TMED7: variants seen among roughly 807,000 people sequenced by gnomAD.
TMED7 encodes the protein transmembrane emp24 domain-containing protein 7.
In TMED7, 8 loss-of-function variants were observed where a neutral mutation model predicts 23.4. The observed-to-expected ratio is 0.34, with a 90% confidence interval of 0.20 to 0.62. The LOEUF (loss-of-function observed/expected upper bound fraction) is 0.62. TMED7 is among the 20% of genes least tolerant of loss of function. The probability of loss-of-function intolerance (pLI) is 0.77; values close to 1 mark genes in which losing one functional copy is unlikely to be tolerated. For missense variants in TMED7, 232 were observed against 279.1 expected (o/e 0.83, Z 1.20); for synonymous variants, 121 against 108.5 (o/e 1.12, Z -0.72).
At chr5:115,619,603 T>C (rs1029372793) in intron 2 of TMED7, among the ~76,000 whole-genome samples, 1 of 152,154 alleles carries the variant, frequency 6.6e-6, no homozygotes, top group African/African-American at 2.4e-5. Flanking sequence ...TGAGATATCT[T>C]TGTGATGGAA....
At position 115,625,593 on chromosome 5, in the gene TMED7, C is replaced by G. The variant is rs534752963; in HGVS notation, c.192+8G>C. The G allele has an allele frequency of 1.1e-5, 17 of 1,574,182 alleles. No individual in the cohort carries two copies. The South Asian group carries it at 1.9e-4, about 17-fold the overall frequency. Reference sequence around the variant, plus strand: ...GTTGGGGCCCAGGGACTGCTAGGCCCCTGATACCTGGAACTCCAGGGTGCA... The same window carrying G: ...GTTGGGGCCCAGGGACTGCTAGGCCGCTGATACCTGGAACTCCAGGGTGCA... On this transcript the variant is annotated splice_region_variant and intron_variant, in intron 1 of 2. Coordinates refer to ENST00000456936, the MANE Select transcript of TMED7 (RefSeq NM_181836.6).
At chr5:115,625,491 G>T in intron 1 of TMED7, 110 bp downstream of exon 1, 2 of 1,282,188 alleles carry the variant, frequency 1.6e-6, no homozygotes, top group Non-Finnish European at 2.0e-6. Context: ...AGCGATTTTT[G>T]AATTAGCCTA....
intron 1 of TMED7, among the ~76,000 whole-genome samples, chr5:115,623,424 G>C (rs577149990): frequency 6.6e-6 from 1 of 152,292 alleles, no homozygotes; most frequent in East Asian, 1.9e-4. Flanking sequence ...CAATCTCATT[G>C]TTACCAATAA....
At position 115,624,572 on chromosome 5, in the gene TMED7, C is replaced by T. The variant is rs573253086; in HGVS notation, c.192+1029G>A. ...CTTATAACCCTCTGATGGCTTCCTA[C>T]ACTTTCAGGAAAAACAAATCCTTAA... On this transcript the variant is annotated intron_variant, in intron 1 of 2. Coordinates refer to ENST00000456936, the MANE Select transcript of TMED7 (RefSeq NM_181836.6). Among the ~76,000 whole-genome samples the T allele has an allele frequency of 3.0e-4, 46 of 152,304 alleles. 1 individual carries two copies. The highest frequency in any genetic ancestry group is 1.1e-3 in the African/African-American group (46 of 41,558).
intron 1 of TMED7, among the ~76,000 whole-genome samples, chr5:115,624,320 A>C (rs1384691295): frequency 6.6e-6 from 1 of 152,070 alleles, no homozygotes; most frequent in Non-Finnish European, 1.5e-5. Flanking sequence ...ATCATTACCA[A>C]GTCCTGTTGA....
intron 1 of TMED7, among the ~76,000 whole-genome samples, chr5:115,623,803 G>A (rs1290990563): frequency 6.6e-6 from 1 of 152,134 alleles, no homozygotes; most frequent in Non-Finnish European, 1.5e-5. Context: ...TATACCTAGT[G>A]TGTACCTTTA....
intron 1 of TMED7, among the ~76,000 whole-genome samples, chr5:115,623,055 G>A (rs1372326334): frequency 6.6e-6 from 1 of 152,148 alleles, no homozygotes; most frequent in Non-Finnish European, 1.5e-5. Flanking sequence ...TCAGTCTCTG[G>A]GAGGTAGTAT....
intron 2 of TMED7, 45 bp from the exon 3 acceptor site, chr5:115,616,490 G>T: frequency 6.2e-7 from 1 of 1,611,568 alleles, no homozygotes; most frequent in South Asian, 1.1e-5. Flanking sequence ...ACTTTCTGTA[G>T]ACTTCATCTA....
At position 115,620,584 on chromosome 5, in the gene TMED7, T is replaced by C. The variant is rs1293981933; in HGVS notation, c.289A>G (p.Thr97Ala). ...GTCCCATTTTTGGAGGCTGTGAAGG[T>C]AAAACTATCATACTGTTTCTTCATC... is the stretch of plus-strand genomic sequence containing the variant. ...KEMKKQYDSF[T>A]FTASKNGTYK... Residue 97 changes from threonine to alanine, a missense_variant, in exon 2 of 3, where the codon ACC (threonine) becomes GCC (alanine). Physicochemically the swap from Thr to Ala is moderately conservative, Grantham distance 58. Transcript: ENST00000456936. The C allele has an allele frequency of 2.5e-6, 4 of 1,606,456 alleles. No homozygotes were observed. Among genetic ancestry groups the C allele is most frequent in the Non-Finnish European group, 3.4e-6 (4 of 1,177,264 alleles).
intron 2 of TMED7, among the ~76,000 whole-genome samples, chr5:115,617,124 G>A (rs1401932494): frequency 6.6e-6 from 1 of 152,170 alleles, no homozygotes; most frequent in Admixed American, 6.5e-5. Context: ...TGAGCCTTTA[G>A]CTGATAACAG....
chr5:115,619,708 T>A (rs531858264), intron 2 of TMED7, among the ~76,000 whole-genome samples: 1 of 152,260 alleles, frequency 6.6e-6, no homozygotes, highest in East Asian at 1.9e-4. Flanking sequence ...TGATGTGTCA[T>A]GAGATCAGAT....
intron 2 of TMED7, chr5:115,620,006 T>C (rs977571478): frequency 2.0e-5 from 3 of 152,760 alleles, no homozygotes; most frequent in African/African-American, 7.2e-5. Flanking sequence ...CACTAAGTAA[T>C]GGTATAAAGG....
intron 2 of TMED7, 180 bp from the exon 3 acceptor site, chr5:115,616,625 C>T: frequency 4.6e-6 from 4 of 860,624 alleles, no homozygotes; most frequent in Admixed American, 5.5e-5. Flanking sequence ...CTCATTTTCA[C>T]TGGGACAACT....
At chr5:115,616,672 C>T in intron 2 of TMED7, 1 of 605,540 alleles carries the variant, frequency 1.7e-6, no homozygotes, top group Non-Finnish European at 2.8e-6. Context: ...GCTGTTTTCC[C>T]CAACTGAGAT....
chr5:115,625,292 TAC>T (rs879445703), intron 1 of TMED7, among the ~76,000 whole-genome samples: 8 of 152,248 alleles, frequency 5.3e-5, no homozygotes, highest in Non-Finnish European at 1.0e-4. Context: ...CACTGGGTAC[TAC>T]AGAGTATAAA....
At position 115,618,451 on chromosome 5, in the gene TMED7, T is replaced by C. The variant is rs149211711; in HGVS notation, c.438+1984A>G. ...AATCCAAGTAAGGTTAACACAATCA[T>C]TTGGCTGATGTAAGTGTTCATTAAT... is the stretch of plus-strand genomic sequence containing the variant. On this transcript the variant is annotated intron_variant, in intron 2 of 2. Transcript: ENST00000456936. Among the ~76,000 whole-genome samples the C allele has an allele frequency of 2.7e-4, 41 of 152,326 alleles. 1 individual carries two copies. The highest frequency in any genetic ancestry group is 9.1e-4 in the African/African-American group (38 of 41,574).
At chr5:115,624,047 A>C (rs1378007041) in intron 1 of TMED7, among the ~76,000 whole-genome samples, 3 of 152,210 alleles carry the variant, frequency 2.0e-5, no homozygotes, top group Non-Finnish European at 4.4e-5. Flanking sequence ...TCCTGAGAAC[A>C]TACCTGAAAT....
intron 1 of TMED7, among the ~76,000 whole-genome samples, chr5:115,622,880 C>T (rs904349987): frequency 1.1e-4 from 17 of 152,232 alleles, no homozygotes; most frequent in South Asian, 4.1e-4. Flanking sequence ...CTTTGCTTTA[C>T]ATCTGCACTG....
At position 115,618,675 on chromosome 5, in the gene TMED7, A is replaced by G. The variant is rs111444584; in HGVS notation, c.438+1760T>C. On this transcript the variant is annotated intron_variant, in intron 2 of 2. Transcript: ENST00000456936. ...TCTGGGTGGGAACGTCTAGTAGTCAATGTTGTGTACTTCTTACTGCATATT... is the reference window on the plus strand; with the variant it reads ...TCTGGGTGGGAACGTCTAGTAGTCAGTGTTGTGTACTTCTTACTGCATATT... 5.8e-4 allele frequency among the ~76,000 whole-genome samples: 89 copies of G among 152,260 alleles called. 1 individual carries two copies. The highest frequency in any genetic ancestry group is 1.8e-3 in the African/African-American group (73 of 41,546).
Sources: allele counts gnomAD v4.1 joint callset (sites outside exome capture counted in the v4.1 genomes callset), GRCh38; gene constraint gnomAD v4.1.1; transcripts MANE v1.5; gene names NCBI Gene and HGNC (gene_info 2026-07-23, HGNC 2026-07-21).